CACNA1D: variants seen among roughly 807,000 people sequenced by gnomAD.
The protein encoded by CACNA1D is voltage-dependent L-type calcium channel subunit alpha-1D.
In CACNA1D, 55 loss-of-function variants were observed where a neutral mutation model predicts 257.1. That is an observed-to-expected ratio of 0.21 (90% CI 0.17 to 0.27). CACNA1D has a LOEUF of 0.27. Among genes scored for constraint, CACNA1D ranks in the 10% least tolerant of loss-of-function variants. The pLI, the probability that CACNA1D is intolerant of heterozygous loss-of-function variation, is 1.00. For synonymous variants in CACNA1D, 980 were observed against 1,014.9 expected (o/e 0.97, Z 0.65); for missense variants, 1,876 against 2,784.0 (o/e 0.67, Z 7.34).
intron 47 of CACNA1D, chr3:53,810,571 AAC>A (rs1337822525): frequency 2.1e-6 from 1 of 481,420 alleles, no homozygotes; most frequent in African/African-American, 2.0e-5. Flanking sequence ...CAGCCTTGCC[AAC>A]ATGGTGAAAC....
intron 32 of CACNA1D, 146 bp from the exon 33 acceptor site, chr3:53,772,687 C>A: frequency 1.5e-6 from 1 of 673,832 alleles, no homozygotes; most frequent in Non-Finnish European, 2.7e-6. Flanking sequence ...GGGATTTAAA[C>A]GGTTCTTCCT....
Position 53,753,624 on chromosome 3 carries a change from T to C in CACNA1D, c.3728T>C (p.Val1243Ala), listed in dbSNP as rs756094397. The change falls in exon 29 of 48, where the codon GTC (valine) becomes GCC (alanine). Residue 1243 changes from valine (V) to alanine (A), a missense_variant. Coordinates refer to ENST00000350061, the MANE Select transcript of CACNA1D (RefSeq NM_001128840.3). Reference sequence around the variant, plus strand: ...GATGCCATGGACATTCTGAACATGGTCTTCACCGGGGTGTTCACCGTCGAG... The same window carrying C: ...GATGCCATGGACATTCTGAACATGGCCTTCACCGGGGTGTTCACCGTCGAG... ...FNDAMDILNM[V>A]FTGVFTVEMV... 1.1e-5 allele frequency: 18 copies of C among 1,613,770 alleles called. No homozygotes were observed. The highest frequency in any genetic ancestry group is 1.4e-5 in the Non-Finnish European group (17 of 1,179,730).
chr3:53,757,440 A>C (rs2095272510), intron 29 of CACNA1D, among the ~76,000 whole-genome samples: 1 of 152,090 alleles, frequency 6.6e-6, no homozygotes, highest in South Asian at 2.1e-4. Context: ...CCTCTGTGGC[A>C]TGCAGACCTG....
chr3:53,596,347 G>A (rs968643336), intron 3 of CACNA1D, among the ~76,000 whole-genome samples: 1 of 152,178 alleles, frequency 6.6e-6, no homozygotes, highest in Non-Finnish European at 1.5e-5. Flanking sequence ...TAACTCCAGT[G>A]TTGGGGGAGA....
intron 22 of CACNA1D, 36 bp from the exon 23 acceptor site, chr3:53,744,704 C>A: frequency 8.9e-7 from 1 of 1,120,712 alleles, no homozygotes; most frequent in Non-Finnish European, 1.4e-6. Context: ...CCATTTATAA[C>A]ACGCTCTGCC....
intron 3 of CACNA1D, among the ~76,000 whole-genome samples, chr3:53,647,776 C>T (rs1449408244): frequency 2.0e-5 from 3 of 152,228 alleles, no homozygotes; most frequent in East Asian, 1.9e-4. Context: ...GATTGAGGAC[C>T]GGGATGACAT....
intron 17 of CACNA1D, among the ~76,000 whole-genome samples, chr3:53,731,670 G>A (rs903923471): frequency 1.3e-5 from 2 of 152,250 alleles, no homozygotes; most frequent in African/African-American, 2.4e-5. Context: ...GAAGAAGACA[G>A]GTCCCTGCCT....
intron 3 of CACNA1D, among the ~76,000 whole-genome samples, chr3:53,637,287 C>A (rs1310304642): frequency 6.6e-6 from 1 of 152,218 alleles, no homozygotes; most frequent in Non-Finnish European, 1.5e-5. Context: ...CATACCACTG[C>A]AGTATTCGTA....
rs368024791 is a variant in CACNA1D at position 53,495,881 on chromosome 3, G to A, written c.67+648G>A. Among the ~76,000 whole-genome samples the A allele has an allele frequency of 3.2e-4, 48 of 152,318 alleles. No homozygotes were observed. The highest frequency in any genetic ancestry group is 9.9e-4 in the African/African-American group (41 of 41,580). ...GGGCTCCCCTCCCCAGCTCTGGCCCGGGCACCACGTGCAGCTTCCACGCCG... is the reference window on the plus strand; with the variant it reads ...GGGCTCCCCTCCCCAGCTCTGGCCCAGGCACCACGTGCAGCTTCCACGCCG... On this transcript the variant is annotated intron_variant, in intron 1 of 47. Coordinates refer to ENST00000350061, the MANE Select transcript of CACNA1D (RefSeq NM_001128840.3). This position sits in a 1 kb window ranked among gnomAD's most constrained non-coding sequence, Gnocchi z 5.1.
intron 29 of CACNA1D, among the ~76,000 whole-genome samples, chr3:53,758,665 G>A (rs532693299): frequency 2.0e-5 from 3 of 152,288 alleles, no homozygotes; most frequent in Non-Finnish European, 2.9e-5. Flanking sequence ...ATGTTTCTGC[G>A]CAATACATAT....
chr3:53,799,352 A>T (rs151148814), intron 40 of CACNA1D, among the ~76,000 whole-genome samples: 353 of 152,318 alleles, frequency 2.3e-3, no homozygotes, highest in African/African-American at 6.7e-3. Flanking sequence ...GCATCTTGGA[A>T]TGCTTCCCTA....
intron 3 of CACNA1D, among the ~76,000 whole-genome samples, chr3:53,643,478 C>G (rs1011372451): frequency 6.6e-6 from 1 of 151,942 alleles, no homozygotes; most frequent in South Asian, 2.1e-4. Context: ...TGAATGTGCA[C>G]GATGGCCTCA....
intron 9 of CACNA1D, among the ~76,000 whole-genome samples, chr3:53,707,006 A>T (rs1265100420): frequency 6.6e-6 from 1 of 152,078 alleles, no homozygotes; most frequent in East Asian, 1.9e-4. Flanking sequence ...TGAAGTATTG[A>T]TGGAAAACAA....
At chr3:53,497,836 G>T (rs2090417962) in intron 2 of CACNA1D, among the ~76,000 whole-genome samples, 1 of 152,134 alleles carries the variant, frequency 6.6e-6, no homozygotes, top group South Asian at 2.1e-4. Context: ...TTGCAAACAA[G>T]GTATACAGAT....
Position 53,775,187 on chromosome 3 carries a change from A to G in CACNA1D, c.4202+509A>G, listed in dbSNP as rs76651632. Among the ~76,000 whole-genome samples, 54 of 152,370 alleles carry G rather than the reference A, an allele frequency of 3.5e-4. No individual in the cohort carries two copies. The East Asian group carries it at 8.5e-3, about 24-fold the overall frequency. On this transcript the variant is annotated intron_variant, in intron 34 of 47. Transcript: ENST00000350061. ...ATCATGAAGTATTTCTAATGACTCT[A>G]GTGACTGACAAGTCATTTGCAAGTT... is the stretch of plus-strand genomic sequence containing the variant.
At chr3:53,545,491 C>A (rs761831426) in intron 3 of CACNA1D, among the ~76,000 whole-genome samples, 1 of 152,124 alleles carries the variant, frequency 6.6e-6, no homozygotes, top group East Asian at 1.9e-4. Flanking sequence ...CTTAGAGGAG[C>A]GGGGTGAGGA....
chr3:53,688,923 C>G (rs1402577207), intron 8 of CACNA1D, among the ~76,000 whole-genome samples: 1 of 152,086 alleles, frequency 6.6e-6, no homozygotes, highest in African/African-American at 2.4e-5. Flanking sequence ...TGTACTGTCC[C>G]CAGAGGCCCA....
intron 15 of CACNA1D, among the ~76,000 whole-genome samples, chr3:53,727,811 G>C (rs997854852): frequency 6.6e-6 from 1 of 152,066 alleles, no homozygotes; most frequent in East Asian, 1.9e-4. Context: ...CTGCTTCTAA[G>C]GTGGCCCAGA....
At chr3:53,524,836 G>C (rs902264262) in intron 3 of CACNA1D, among the ~76,000 whole-genome samples, 3 of 152,174 alleles carry the variant, frequency 2.0e-5, no homozygotes, top group African/African-American at 7.2e-5. Flanking sequence ...TCACTCACTT[G>C]AGCCATGAAT....
Sources: allele counts gnomAD v4.1 joint callset (sites outside exome capture counted in the v4.1 genomes callset), GRCh38; gene constraint gnomAD v4.1.1; non-coding constraint Gnocchi (gnomAD v3.1); transcripts MANE v1.5; gene names NCBI Gene and HGNC (gene_info 2026-07-23, HGNC 2026-07-21).